C4orf36: variants seen among roughly 807,000 people sequenced by gnomAD.
The protein encoded by C4orf36 is chromosome 4 open reading frame 36.
In C4orf36, 11 loss-of-function variants were observed where a neutral mutation model predicts 12.2. That is an observed-to-expected ratio of 0.90 (90% confidence interval 0.57 to 1.49). The LOEUF (loss-of-function observed/expected upper bound fraction) is 1.49, where lower values mean the gene tolerates loss of function less well. Among genes scored for constraint, C4orf36 ranks in the 40% most tolerant of loss-of-function variants. C4orf36 has a pLI of 0.00. For synonymous variants in C4orf36, 54 were observed against 51.3 expected (o/e 1.05, Z -0.22); for missense variants, 137 against 133.9 (o/e 1.02, Z -0.11).
At chr4:86,882,772 CAT>C (rs1747078628) in intron 4 of C4orf36, among the ~76,000 whole-genome samples, 1 of 152,146 alleles carries the variant, frequency 6.6e-6, no homozygotes, top group African/African-American at 2.4e-5. Context: ...AAGTATGTTA[CAT>C]ATATGTTTGC....
chr4:86,935,101 C>A, the C4orf36 span: 1 of 152,214 alleles, frequency 6.6e-6, no homozygotes, highest in Non-Finnish European at 1.5e-5. Flanking sequence ...TTTGCCTCCG[C>A]GGTTCCGCAG....
chr4:86,928,961 T>C, the C4orf36 span, among the ~76,000 whole-genome samples: 87 of 152,304 alleles, frequency 5.7e-4, 1 homozygote, highest in Non-Finnish European at 1.0e-3. Flanking sequence ...TCTTAGTTAC[T>C]ACCTCTGCCA....
chr4:86,885,025 T>C (rs1447434949), intron 4 of C4orf36, among the ~76,000 whole-genome samples: 1 of 152,216 alleles, frequency 6.6e-6, no homozygotes, highest in Non-Finnish European at 1.5e-5. Context: ...ATGTGTGGTA[T>C]TATTTCTGAG....
chr4:86,890,767 T>C (rs1407985642), intron 2 of C4orf36, among the ~76,000 whole-genome samples: 2 of 152,240 alleles, frequency 1.3e-5, no homozygotes, highest in African/African-American at 4.8e-5. Flanking sequence ...TACTGTGTGG[T>C]TGCAACACGT....
the C4orf36 span, among the ~76,000 whole-genome samples, chr4:86,907,959 G>GA: frequency 2.2e-3 from 237 of 108,520 alleles, no homozygotes; most frequent in Middle Eastern, 5.0e-3. Context: ...CTGTGCCTCA[G>GA]AAAAAAAAAA....
chr4:86,877,522 G>C (rs1746954570), intron 4 of C4orf36, among the ~76,000 whole-genome samples: 1 of 152,184 alleles, frequency 6.6e-6, no homozygotes. Context: ...ATTTGGACTA[G>C]GAATGTTGAT....
the C4orf36 span, among the ~76,000 whole-genome samples, chr4:86,908,960 T>G: frequency 6.0e-4 from 92 of 152,224 alleles, 1 homozygote; most frequent in African/African-American, 2.0e-3. Context: ...GAGGAAGTGC[T>G]TGTACTTGGT....
intron 2 of C4orf36, among the ~76,000 whole-genome samples, chr4:86,889,430 T>C (rs1747307720): frequency 6.6e-6 from 1 of 151,906 alleles, no homozygotes; most frequent in African/African-American, 2.4e-5. Flanking sequence ...TACAAACATG[T>C]AATGAAAGAA....
the C4orf36 span, among the ~76,000 whole-genome samples, chr4:86,930,975 C>T: frequency 1.3e-5 from 2 of 152,186 alleles, no homozygotes; most frequent in Admixed American, 1.3e-4. Flanking sequence ...CTATACCTGG[C>T]TTTCTGTACA....
chr4:86,887,511 C>T (rs113682534), intron 4 of C4orf36: 5 of 380,712 alleles, frequency 1.3e-5, no homozygotes, highest in African/African-American at 8.2e-5. Context: ...ATGAATAGCA[C>T]AAACGACTCA....
At chr4:86,935,135 C>T in the C4orf36 span, 2 of 152,276 alleles carry the variant, frequency 1.3e-5, no homozygotes, top group East Asian at 3.8e-4. Context: ...GGAGGCGCTC[C>T]CCTGCGTCGT....
upstream of C4orf36, among the ~76,000 whole-genome samples, chr4:86,896,053 A>G (rs1021102768): frequency 3.3e-5 from 5 of 152,232 alleles, no homozygotes; most frequent in South Asian, 2.1e-4. Context: ...AATGTATTTC[A>G]TATACATTGT....
chr4:86,913,825 CTTTTTTT>C, the C4orf36 span: 11 of 617,672 alleles, frequency 1.8e-5, no homozygotes, highest in African/African-American at 4.4e-5. Context: ...TTTTCATCCA[CTTTTTTT>C]TTTTTTTTTT....
At chr4:86,929,114 C>T in the C4orf36 span, among the ~76,000 whole-genome samples, 5 of 152,232 alleles carry the variant, frequency 3.3e-5, no homozygotes, top group Non-Finnish European at 7.4e-5. Context: ...AGTTTTCTGT[C>T]GCTGCATAAC....
At chr4:86,901,169 C>T in the C4orf36 span, among the ~76,000 whole-genome samples, 3 of 149,982 alleles carry the variant, frequency 2.0e-5, no homozygotes, top group African/African-American at 7.4e-5. Flanking sequence ...ATTTTTAGTA[C>T]AGATGGGGTT....
the C4orf36 span, among the ~76,000 whole-genome samples, chr4:86,898,782 T>TGC: frequency 6.6e-6 from 1 of 152,036 alleles, no homozygotes; most frequent in Admixed American, 6.6e-5. Flanking sequence ...GAACAGCCAC[T>TGC]GCCCTTCAGC....
Position 86,891,605 on chromosome 4 carries a change from G to A in C4orf36, c.-73-12C>T, listed in dbSNP as rs556053716. On this transcript the variant is annotated splice_polypyrimidine_tract_variant and intron_variant, in intron 1 of 4. Transcript: ENST00000295898. ...TCTGTTCACTTTACCTGAAATGATG[G>A]CAACGCACCTAATTAATGCCTCTCA... 1 of 1,598,578 alleles carries A rather than the reference G, an allele frequency of 6.3e-7. No individual in the cohort carries two copies. The highest frequency in any genetic ancestry group is 1.3e-5 in the African/African-American group (1 of 74,474).
chr4:86,913,641 A>C, the C4orf36 span: 8 of 1,572,840 alleles, frequency 5.1e-6, no homozygotes, highest in Non-Finnish European at 7.0e-6. Context: ...TGAGACCTGC[A>C]CACTTTTTGA....
chr4:86,909,070 T>C, the C4orf36 span, among the ~76,000 whole-genome samples: 1 of 152,186 alleles, frequency 6.6e-6, no homozygotes, highest in African/African-American at 2.4e-5. Flanking sequence ...AATCTCTCTG[T>C]GTCCTTCTCC....
Sources: gnomAD v4.1 joint callset for allele counts (sites outside exome capture counted in the v4.1 genomes callset) on GRCh38, gnomAD v4.1.1 for gene constraint, MANE v1.5 for transcripts, NCBI Gene and HGNC (gene_info 2026-07-23, HGNC 2026-07-21) for gene names.